Variants in KAT6B observed in about 807,000 individuals in gnomAD.
The protein encoded by KAT6B is histone acetyltransferase KAT6B.
Under a neutral mutation model 187.5 loss-of-function variants are expected in KAT6B, and 10 were observed. The observed-to-expected ratio is 0.05, with a 90% CI of 0.03 to 0.09. The LOEUF (loss-of-function observed/expected upper bound fraction) is 0.09, where lower values mean the gene tolerates loss of function less well. KAT6B is among the 10% of genes least tolerant of loss of function. KAT6B has a pLI of 1.00. For synonymous variants in KAT6B, 861 were observed against 926.8 expected (o/e 0.93, Z 1.29); for missense variants, 1,952 against 2,558.9 (o/e 0.76, Z 5.12).
chr10:74,898,031 ATG>A (rs769802778), intron 3 of KAT6B, among the ~76,000 whole-genome samples: 4 of 152,170 alleles, frequency 2.6e-5, no homozygotes, highest in Non-Finnish European at 5.9e-5. Context: ...AGGCCCTTAT[ATG>A]TGTTTGCTGG....
chr10:74,874,479 A>G (rs1844250009), intron 3 of KAT6B, among the ~76,000 whole-genome samples: 1 of 152,020 alleles, frequency 6.6e-6, no homozygotes. Context: ...TCCTAGTTCA[A>G]GGGATTCTCC....
chr10:74,832,302 T>A (rs1363437576), intron 1 of KAT6B, among the ~76,000 whole-genome samples: 1 of 151,802 alleles, frequency 6.6e-6, no homozygotes, highest in African/African-American at 2.4e-5. Context: ...AATCTCTCTT[T>A]CAAAAGAATC....
intron 3 of KAT6B, among the ~76,000 whole-genome samples, chr10:74,905,513 G>C (rs1846691786): frequency 6.6e-6 from 1 of 152,144 alleles, no homozygotes; most frequent in Non-Finnish European, 1.5e-5. Flanking sequence ...TTCCCTGAGT[G>C]GTGGTGGCCT....
At chr10:74,948,413 A>T (rs1840089745) in intron 3 of KAT6B, among the ~76,000 whole-genome samples, 2 of 152,244 alleles carry the variant, frequency 1.3e-5, no homozygotes, top group Non-Finnish European at 2.9e-5. Context: ...TGATAATATT[A>T]TTGAGAAAGT....
chr10:74,944,524 A>G (rs1472988749), intron 3 of KAT6B, among the ~76,000 whole-genome samples: 3 of 152,194 alleles, frequency 2.0e-5, no homozygotes, highest in Non-Finnish European at 4.4e-5. Flanking sequence ...AGGATATGCA[A>G]ATTAGGCCGG....
At chr10:74,978,787 G>T (rs749549882) in intron 9 of KAT6B, among the ~76,000 whole-genome samples, 2 of 152,280 alleles carry the variant, frequency 1.3e-5, no homozygotes, top group South Asian at 2.1e-4. Context: ...ATACTACTTC[G>T]TGGAGGAATA....
At position 74,986,472 on chromosome 10, in the gene KAT6B, A is replaced by C. The variant is rs371989817; in HGVS notation, c.2535+1231A>C. 2.6e-5 allele frequency among the ~76,000 whole-genome samples: 4 copies of C among 152,342 alleles called. No homozygotes were observed. In the East Asian group the frequency reaches 7.7e-4, roughly 29 times the overall value. On this transcript the variant is annotated intron_variant, in intron 12 of 17. Coordinates refer to ENST00000287239, the MANE Select transcript of KAT6B (RefSeq NM_012330.4). ...CTTTATAGAAGTGCCATTTTAATGA[A>C]GTTTCAAAAGATAGAATATATGTGA...
chr10:74,879,211 G>A (rs190453254), intron 3 of KAT6B, among the ~76,000 whole-genome samples: 8 of 152,258 alleles, frequency 5.3e-5, no homozygotes, highest in Non-Finnish European at 1.0e-4. Context: ...TCTTAGTATT[G>A]TTACCAAGTT....
chr10:74,908,283 C>T (rs1241761345), intron 3 of KAT6B, among the ~76,000 whole-genome samples: 1 of 152,158 alleles, frequency 6.6e-6, no homozygotes, highest in Non-Finnish European at 1.5e-5. Flanking sequence ...AAGTTCCTGG[C>T]CAGGCACAGT....
At position 74,978,674 on chromosome 10, in the gene KAT6B, T is replaced by C. The variant is rs528702983; in HGVS notation, c.2116-550T>C. Reference sequence around the variant, plus strand: ...CCACAGTGAATCTGGCAGGCAGAGTTCTTAACCTCGTGTGGCTTACTACAT... The same window carrying C: ...CCACAGTGAATCTGGCAGGCAGAGTCCTTAACCTCGTGTGGCTTACTACAT... On this transcript the variant is annotated intron_variant, in intron 9 of 17. Coordinates refer to ENST00000287239, the MANE Select transcript of KAT6B (RefSeq NM_012330.4). Among the ~76,000 whole-genome samples the C allele has an allele frequency of 1.9e-3, 283 of 152,294 alleles. No homozygotes were observed. The Middle Eastern group carries it at 0.02, about 11-fold the overall frequency.
At chr10:74,936,033 T>C (rs542253655) in intron 3 of KAT6B, among the ~76,000 whole-genome samples, 1 of 152,342 alleles carries the variant, frequency 6.6e-6, no homozygotes, top group African/African-American at 2.4e-5. Context: ...AATCTATCTT[T>C]AGTACAGCCA....
At chr10:75,006,173 C>T (rs2134011399) in intron 13 of KAT6B, among the ~76,000 whole-genome samples, 1 of 152,124 alleles carries the variant, frequency 6.6e-6, no homozygotes, top group Non-Finnish European at 1.5e-5. Flanking sequence ...AGGGTCATGT[C>T]AAAAAGACTC....
intron 1 of KAT6B, among the ~76,000 whole-genome samples, chr10:74,829,008 T>TAAA (rs796790976): frequency 0.015 from 2,105 of 136,340 alleles, 43 homozygotes; most frequent in African/African-American, 0.054. Context: ...AGTGATGGTT[T>TAAA]AAAAAAAAAA....
At chr10:74,900,573 C>G (rs561666678) in intron 3 of KAT6B, among the ~76,000 whole-genome samples, 115 of 152,334 alleles carry the variant, frequency 7.5e-4, no homozygotes, top group African/African-American at 2.6e-3. Context: ...TGTGCCCATG[C>G]TTTAGACTGT....
intron 3 of KAT6B, among the ~76,000 whole-genome samples, chr10:74,912,392 G>GATAGATAA (rs1272299444): frequency 4.6e-5 from 7 of 152,018 alleles, no homozygotes; most frequent in East Asian, 1.9e-4. Flanking sequence ...TAGATAGATA[G>GATAGATAA]ATAGATAGAT....
chr10:74,980,241 A>G (rs1054633783), intron 10 of KAT6B, among the ~76,000 whole-genome samples: 6 of 152,236 alleles, frequency 3.9e-5, no homozygotes, highest in Non-Finnish European at 8.8e-5. Context: ...GTGAACGAAT[A>G]TATCCCAAAA....
At chr10:75,024,781 G>A (rs1490366510) in intron 16 of KAT6B, among the ~76,000 whole-genome samples, 177 bp from the exon 17 acceptor site, 1 of 152,210 alleles carries the variant, frequency 6.6e-6, no homozygotes, top group East Asian at 1.9e-4. Context: ...ACTTGCCTGT[G>A]TAGTTGGAGC....
intron 13 of KAT6B, among the ~76,000 whole-genome samples, chr10:75,002,286 T>C (rs1192031605): frequency 1.3e-5 from 2 of 151,800 alleles, no homozygotes; most frequent in Non-Finnish European, 2.9e-5. Flanking sequence ...CAAACAAGCC[T>C]CAGAAATGTG....
At chr10:74,956,465 T>G (rs1209054737) in intron 3 of KAT6B, among the ~76,000 whole-genome samples, 1 of 152,200 alleles carries the variant, frequency 6.6e-6, no homozygotes, top group Admixed American at 6.5e-5. Flanking sequence ...CATATGCCAT[T>G]GGTCATGGGA....
Sources: allele counts gnomAD v4.1 joint callset (sites outside exome capture counted in the v4.1 genomes callset), GRCh38; gene constraint gnomAD v4.1.1; transcripts MANE v1.5; gene names NCBI Gene and HGNC (gene_info 2026-07-23, HGNC 2026-07-21).